Variants in COL4A4 observed in about 807,000 individuals in gnomAD.
COL4A4 encodes the protein collagen type IV alpha 4 chain.
Under a neutral mutation model 192.9 loss-of-function variants are expected in COL4A4, and 105 were observed. That is an observed-to-expected ratio of 0.54 (90% CI 0.46 to 0.64). The LOEUF (loss-of-function observed/expected upper bound fraction) is 0.64, where lower values mean the gene tolerates loss of function less well. Among genes scored for constraint, COL4A4 ranks in the 30% least tolerant of loss-of-function variants. The pLI is 0.00. For missense variants in COL4A4, 1,967 were observed against 2,169.3 expected (o/e 0.91, Z 1.85); for synonymous variants, 762 against 769.9 (o/e 0.99, Z 0.17).
At chr2:227,041,846 A>AAGAAAGAAAGAG (rs1559478097) in intron 37 of COL4A4, among the ~76,000 whole-genome samples, 2 of 39,302 alleles carry the variant, frequency 5.1e-5, no homozygotes, top group Admixed American at 2.9e-4. Context: ...GAAAGAAAGA[A>AAGAAAGAAAGAG]AGAGAAAGAA....
intron 4 of COL4A4, among the ~76,000 whole-genome samples, chr2:227,131,854 T>C (rs1489413720): frequency 2.0e-5 from 3 of 152,084 alleles, no homozygotes; most frequent in African/African-American, 4.8e-5. Context: ...CAGACTGAAG[T>C]GAGGCCGCTA....
At chr2:227,163,421 T>G (rs538595005) in intron 1 of COL4A4, among the ~76,000 whole-genome samples, 1 of 152,394 alleles carries the variant, frequency 6.6e-6, no homozygotes, top group African/African-American at 2.4e-5. Flanking sequence ...TGTTAGTTAC[T>G]ATATCACGAC....
chr2:227,041,840 GAA>G (rs58722344), intron 37 of COL4A4, among the ~76,000 whole-genome samples: 2,157 of 72,134 alleles, frequency 0.03, 94 homozygotes, highest in Non-Finnish European at 0.035. Flanking sequence ...AAGAAAGAAA[GAA>G]AGAAAGAGAA....
chr2:227,068,926 T>G (rs1352787726), intron 25 of COL4A4, among the ~76,000 whole-genome samples: 1 of 150,552 alleles, frequency 6.6e-6, no homozygotes, highest in Non-Finnish European at 1.5e-5. Context: ...GAAGTCAAAT[T>G]GTCCCTGTTT....
At chr2:227,128,616 C>G (rs2062228906) in intron 4 of COL4A4, among the ~76,000 whole-genome samples, 1 of 152,096 alleles carries the variant, frequency 6.6e-6, no homozygotes, top group Non-Finnish European at 1.5e-5. Flanking sequence ...CCTTGTCACC[C>G]TCTTTCCCTC....
At chr2:227,120,170 T>A (rs1185628297) in intron 5 of COL4A4, among the ~76,000 whole-genome samples, 3 of 152,136 alleles carry the variant, frequency 2.0e-5, no homozygotes, top group Non-Finnish European at 4.4e-5. Context: ...TCATTCAACA[T>A]GCTGTGAACA....
rs759631057 is a variant in COL4A4, at chr2:227,007,369, G to A, written c.5029C>T (p.Arg1677Cys). The change falls in exon 48 of 48, where the codon CGC becomes TGC. Residue 1677 changes from arginine to cysteine, a missense_variant. Physicochemically the swap from Arg to Cys is radical, Grantham distance 180. Transcript: ENST00000396625. ...PDTLKESQAQ[R>C]QKISRCQVCV... ...ACCTGGCACCGGCTGATTTTCTGGC[G>A]TTGGGCCTGGCTTTCTTTTAAGGTG... 88 of 1,614,130 alleles carry A rather than the reference G, an allele frequency of 5.5e-5. No homozygotes were observed. Among genetic ancestry groups the A allele is most frequent in the Admixed American group, 2.2e-4 (13 of 60,010 alleles).
rs1234704877 is a variant in COL4A4, at chr2:227,045,919, A to T, written c.3289+1556T>A. On this transcript the variant is annotated intron_variant, in intron 35 of 47. Coordinates refer to ENST00000396625, the MANE Select transcript of COL4A4 (RefSeq NM_000092.5). ...TTAGATAGTATATATATGTATGTAT[A>T]TGTATATGTATATATGTATATATGT... is the stretch of plus-strand genomic sequence containing the variant. Among the ~76,000 whole-genome samples, 38 of 93,916 alleles carry T rather than the reference A, an allele frequency of 4.0e-4. 3 individuals are homozygous for T. Among genetic ancestry groups the T allele is most frequent in the African/African-American group, 1.8e-3 (35 of 19,838 alleles). The allele number at this position is 93,916 out of a possible 152,430, so 61.6% of individuals were successfully genotyped here.
At chr2:226,977,896 C>G in the COL4A4 span, among the ~76,000 whole-genome samples, 1 of 152,136 alleles carries the variant, frequency 6.6e-6, no homozygotes, top group African/African-American at 2.4e-5. Flanking sequence ...TGCATTTTAA[C>G]GTAAATTTGA....
At chr2:227,034,237 A>C (rs999971871) in intron 37 of COL4A4, among the ~76,000 whole-genome samples, 2 of 152,252 alleles carry the variant, frequency 1.3e-5, no homozygotes, top group African/African-American at 4.8e-5. Flanking sequence ...AAACACTTCC[A>C]GTGGAAAATT....
intron 20 of COL4A4, 47 bp from the exon 21 acceptor site, chr2:227,090,004 C>A: frequency 6.7e-7 from 1 of 1,482,714 alleles, no homozygotes; most frequent in South Asian, 1.1e-5. Context: ...CATAATTTTT[C>A]TGACTGTCTT....
chr2:227,075,801 A>T (rs1344800373), intron 25 of COL4A4, among the ~76,000 whole-genome samples: 1 of 152,166 alleles, frequency 6.6e-6, no homozygotes, highest in African/African-American at 2.4e-5. Flanking sequence ...CAGGATACAA[A>T]ATCAATGTGC....
intron 1 of COL4A4, among the ~76,000 whole-genome samples, chr2:227,161,567 T>C (rs944089523): frequency 1.3e-5 from 2 of 152,202 alleles, no homozygotes; most frequent in Non-Finnish European, 2.9e-5. Flanking sequence ...CAGGTGAGCC[T>C]GTCAAACATT....
chr2:227,164,331 G>C, upstream of COL4A4: 6 of 208,666 alleles, frequency 2.9e-5, no homozygotes, highest in South Asian at 6.3e-5. This position sits in a 1 kb window ranked among gnomAD's most constrained non-coding sequence, Gnocchi z 4.8. Context: ...CCCCACCTCC[G>C]ACCGCACCCC....
At chr2:227,149,861 G>A (rs2063807041) in intron 1 of COL4A4, among the ~76,000 whole-genome samples, 1 of 151,652 alleles carries the variant, frequency 6.6e-6, no homozygotes, top group Non-Finnish European at 1.5e-5. Context: ...ATGGATGGAT[G>A]GATGAATGGA....
chr2:226,989,075 T>C, the COL4A4 span, among the ~76,000 whole-genome samples: 1 of 152,224 alleles, frequency 6.6e-6, no homozygotes. Flanking sequence ...GAACATCTCA[T>C]GTCTGAAGGA....
chr2:227,042,117 T>G (rs757703702), intron 37 of COL4A4, 31 bp downstream of exon 37: 6 of 1,390,886 alleles, frequency 4.3e-6, no homozygotes, highest in Non-Finnish European at 6.1e-6. Flanking sequence ...GGCTGCATCT[T>G]TCTTGTGGGA....
intron 4 of COL4A4, among the ~76,000 whole-genome samples, chr2:227,136,384 G>C (rs1427908692): frequency 3.3e-5 from 5 of 152,206 alleles, no homozygotes; most frequent in African/African-American, 1.2e-4. Context: ...AAGTTGGAAG[G>C]CACTCAGAAA....
intron 37 of COL4A4, among the ~76,000 whole-genome samples, chr2:227,034,949 C>CACAG (rs1969310375): frequency 1.3e-5 from 2 of 151,874 alleles, no homozygotes; most frequent in Admixed American, 1.3e-4. Flanking sequence ...CCTCTCGGTG[C>CACAG]ACAGCCAGCC....
Sources: gnomAD v4.1 joint callset for allele counts (sites outside exome capture counted in the v4.1 genomes callset) on GRCh38, gnomAD v4.1.1 for gene constraint, Gnocchi (gnomAD v3.1) non-coding constraint, MANE v1.5 for transcripts, NCBI Gene and HGNC (gene_info 2026-07-23, HGNC 2026-07-21) for gene names.